The following MINDY4 variants were observed in gnomAD, a reference collection of about 807,000 sequenced individuals.
MINDY4 encodes MINDY lysine 48 deubiquitinase 4.
MINDY4 carries 68 observed loss-of-function variants against 87.0 expected under a neutral mutation model. That is an observed-to-expected ratio of 0.78 (90% confidence interval 0.64 to 0.96). The LOEUF is 0.96. Among genes scored for constraint, MINDY4 ranks in the 40% least tolerant of loss-of-function variants. The pLI, the probability that MINDY4 is intolerant of heterozygous loss-of-function variation, is 0.00. For synonymous variants in MINDY4, 379 were observed against 363.2 expected (o/e 1.04, Z -0.50); for missense variants, 919 against 928.2 (o/e 0.99, Z 0.13).
chr7:30,793,555 A>G (rs145629406), intron 5 of MINDY4, among the ~76,000 whole-genome samples: 1 of 152,004 alleles, frequency 6.6e-6, no homozygotes, highest in South Asian at 2.1e-4. Flanking sequence ...ACGTGGGACC[A>G]CAGATGCACT....
chr7:30,861,023 A>G (rs771830979), intron 13 of MINDY4, among the ~76,000 whole-genome samples: 19 of 152,164 alleles, frequency 1.2e-4, no homozygotes, highest in Non-Finnish European at 2.4e-4. Context: ...ACACAGACAC[A>G]CGAAAACTCA....
intron 5 of MINDY4, among the ~76,000 whole-genome samples, chr7:30,821,816 T>A (rs1216706770): frequency 6.6e-6 from 1 of 152,220 alleles, no homozygotes; most frequent in East Asian, 1.9e-4. Context: ...TAGTAGTTAA[T>A]GATGTCTTCA....
chr7:30,800,991 ACCTTTCTTAAG>A (rs138867029), intron 5 of MINDY4, among the ~76,000 whole-genome samples: 7,047 of 152,170 alleles, frequency 0.046, 186 homozygotes, highest in Middle Eastern at 0.1. Context: ...GCCCTACCAG[ACCTTTCTTAAG>A]CAGTCCAGGG....
intron 5 of MINDY4, among the ~76,000 whole-genome samples, chr7:30,800,873 C>T (rs565242909): frequency 6.6e-6 from 1 of 152,286 alleles, no homozygotes; most frequent in African/African-American, 2.4e-5. Flanking sequence ...TCAGGTTTTG[C>T]AGAAGAATGG....
intron 13 of MINDY4, among the ~76,000 whole-genome samples, chr7:30,867,977 A>G (rs1053563706): frequency 6.6e-6 from 1 of 152,244 alleles, no homozygotes; most frequent in East Asian, 1.9e-4. Flanking sequence ...GAGAGAGGTC[A>G]GGACATGCCT....
At chr7:30,871,235 C>T (rs1182746033) in intron 13 of MINDY4, among the ~76,000 whole-genome samples, 2 of 152,232 alleles carry the variant, frequency 1.3e-5, no homozygotes, top group East Asian at 1.9e-4. Flanking sequence ...TGTGCTTCTT[C>T]CCACATCTAT....
chr7:30,859,253 C>T lies in MINDY4; in HGVS notation c.1678-4C>T, dbSNP rs1789676559. On this transcript the variant is annotated splice_polypyrimidine_tract_variant and splice_region_variant and intron_variant, in intron 12 of 17. Transcript: ENST00000265299. Reference sequence around the variant, plus strand: ...TGGAGCTCATTTTTCTCTCCCCCTCCCAGTTTGAAGTGGGCCCCTATGGCT... The same window carrying T: ...TGGAGCTCATTTTTCTCTCCCCCTCTCAGTTTGAAGTGGGCCCCTATGGCT... 5 of 1,614,000 alleles carry T rather than the reference C, an allele frequency of 3.1e-6. No individual in the cohort carries two copies. The highest frequency in any genetic ancestry group is 4.2e-6 in the Non-Finnish European group (5 of 1,179,890).
Position 30,786,188 on chromosome 7 carries a change from C to G in MINDY4, c.663+196C>G, listed in dbSNP as rs528155988. ...GACACGTGGGGCCTTGAGCAGGCCT[C>G]CTTTCCTGCCCTTAGCTTACCCATT... On this transcript the variant is annotated intron_variant, in intron 4 of 17. Coordinates refer to ENST00000265299, the MANE Select transcript of MINDY4 (RefSeq NM_032222.3). 3.5e-4 allele frequency: 227 copies of G among 651,040 alleles called. No individual in the cohort carries two copies. The African/African-American group carries it at 3.6e-3, about 10-fold the overall frequency. 40.3% of individuals were successfully genotyped at this position (651,040 alleles called of 1,614,324 possible). A position where few individuals can be genotyped will look rare whatever the true frequency, so the allele number is the denominator to read the frequency against.
intron 4 of MINDY4, among the ~76,000 whole-genome samples, chr7:30,787,605 A>G (rs1787193357): frequency 6.6e-6 from 1 of 152,172 alleles, no homozygotes; most frequent in Non-Finnish European, 1.5e-5. Context: ...AGCCTTGCCT[A>G]GTAGCTCCAG....
chr7:30,882,408 C>T (rs780928854), intron 16 of MINDY4, 47 bp downstream of exon 16: 2 of 1,399,782 alleles, frequency 1.4e-6, no homozygotes, highest in African/African-American at 1.8e-5. Context: ...CCCCAAGGAG[C>T]CTCCAGGCTG....
intron 5 of MINDY4, among the ~76,000 whole-genome samples, chr7:30,824,779 G>A (rs1200566093): frequency 6.6e-6 from 1 of 152,092 alleles, no homozygotes; most frequent in African/African-American, 2.4e-5. Context: ...TTGATATGTT[G>A]CCCAGGCTGG....
At chr7:30,776,174 A>T (rs1436827899) in intron 1 of MINDY4, among the ~76,000 whole-genome samples, 2 of 152,202 alleles carry the variant, frequency 1.3e-5, no homozygotes, top group Non-Finnish European at 2.9e-5. Flanking sequence ...ATCTTTCAAA[A>T]ATATGTCAGT....
chr7:30,802,826 AACCAACCATCCCAACCG>A (rs1175568857), intron 5 of MINDY4, among the ~76,000 whole-genome samples: 1 of 152,054 alleles, frequency 6.6e-6, no homozygotes, highest in Admixed American at 6.6e-5. Context: ...CCACCCAACC[AACCAACCATCCCAACCG>A]ACCAACCAAA....
chr7:30,783,661 G>A (rs1227926265), intron 3 of MINDY4, among the ~76,000 whole-genome samples: 1 of 152,168 alleles, frequency 6.6e-6, no homozygotes, highest in Non-Finnish European at 1.5e-5. Flanking sequence ...CACGCTTTGT[G>A]TTTTCAAAAT....
At chr7:30,787,962 A>T (rs1211044213) in intron 4 of MINDY4, among the ~76,000 whole-genome samples, 3 of 152,282 alleles carry the variant, frequency 2.0e-5, no homozygotes, top group Admixed American at 6.5e-5. Context: ...CATTAAAAAT[A>T]ACAGTAGTAA....
chr7:30,851,656 G>A (rs1789416379), intron 10 of MINDY4, among the ~76,000 whole-genome samples: 1 of 152,228 alleles, frequency 6.6e-6, no homozygotes, highest in South Asian at 2.1e-4. Context: ...AGATGGGGCA[G>A]GAATTCAATT....
At chr7:30,824,812 C>T (rs1788450597) in intron 5 of MINDY4, among the ~76,000 whole-genome samples, 2 of 152,180 alleles carry the variant, frequency 1.3e-5, no homozygotes, top group African/African-American at 2.4e-5. Flanking sequence ...ATCCCGCCTC[C>T]ACCTCCCAGA....
chr7:30,777,504 T>G (rs1028620718), intron 1 of MINDY4, among the ~76,000 whole-genome samples: 4 of 152,218 alleles, frequency 2.6e-5, no homozygotes, highest in East Asian at 3.8e-4. Flanking sequence ...CTCTGTTTGT[T>G]TCAAGATTGT....
At chr7:30,850,700 T>C (rs1789388954) in intron 10 of MINDY4, 145 bp downstream of exon 10, 1 of 735,942 alleles carries the variant, frequency 1.4e-6, no homozygotes, top group South Asian at 1.7e-5. Flanking sequence ...GCCAGCCTGA[T>C]GTGCTGAGCA....
Sources: gnomAD v4.1 joint callset for allele counts (sites outside exome capture counted in the v4.1 genomes callset) on GRCh38, gnomAD v4.1.1 for gene constraint, MANE v1.5 for transcripts, NCBI Gene and HGNC (gene_info 2026-07-23, HGNC 2026-07-21) for gene names.